The following HFM1 variants were observed in gnomAD, a reference collection of about 807,000 sequenced individuals.
The protein encoded by HFM1 is probable ATP-dependent DNA helicase HFM1.
Under a neutral mutation model 192.1 loss-of-function variants are expected in HFM1, and 169 were observed. That is an observed-to-expected ratio of 0.88 (90% CI 0.78 to 1.00). The LOEUF is 1.00. Among genes scored for constraint, HFM1 ranks in the 50% least tolerant of loss-of-function variants. The pLI is 0.00. For synonymous variants in HFM1, 525 were observed against 537.8 expected (o/e 0.98, Z 0.33); for missense variants, 1,661 against 1,668.0 (o/e 1.00, Z 0.07).
At chr1:91,262,670 G>T in intron 36 of HFM1, 78 bp from the exon 37 acceptor site, 1 of 848,336 alleles carries the variant, frequency 1.2e-6, no homozygotes, top group East Asian at 2.7e-5. Flanking sequence ...ATGATTTTTG[G>T]GGAATATGAT....
intron 13 of HFM1, among the ~76,000 whole-genome samples, chr1:91,370,630 T>G (rs1211575257): frequency 6.6e-6 from 1 of 152,146 alleles, no homozygotes; most frequent in Non-Finnish European, 1.5e-5. Flanking sequence ...CCACAGCCAA[T>G]ATCATACTGA....
intron 13 of HFM1, among the ~76,000 whole-genome samples, chr1:91,369,178 T>C (rs935772261): frequency 7.9e-5 from 12 of 152,228 alleles, no homozygotes; most frequent in African/African-American, 2.9e-4. Context: ...CTGTCAACAT[T>C]AGACAGATCA....
chr1:91,381,734 TAAA>T (rs1661569257), intron 6 of HFM1, among the ~76,000 whole-genome samples: 2 of 152,052 alleles, frequency 1.3e-5, no homozygotes, highest in South Asian at 4.2e-4. Flanking sequence ...AAGCTATAAA[TAAA>T]GAAGAAAATG....
intron 20 of HFM1, among the ~76,000 whole-genome samples, chr1:91,340,573 A>G (rs1655190419): frequency 1.3e-5 from 2 of 151,854 alleles, no homozygotes; most frequent in South Asian, 4.2e-4. Context: ...TCTACATAAC[A>G]ACACAATGAC....
chr1:91,316,387 C>T lies in HFM1; in HGVS notation c.2898+4G>A. On this transcript the variant is annotated splice_donor_region_variant and intron_variant, in intron 26 of 38. Coordinates refer to ENST00000370425, the MANE Select transcript of HFM1 (RefSeq NM_001017975.6). ...TGGAATTAGGAATAAGTGAATATAA[C>T]TACCAATTCAAGTTCCCTTGCATCT... 1 of 1,483,772 alleles carries T rather than the reference C, an allele frequency of 6.7e-7. No individual in the cohort carries two copies. The highest frequency in any genetic ancestry group is 9.3e-7 in the Non-Finnish European group (1 of 1,079,112). 91.9% of individuals were successfully genotyped at this position (1,483,772 alleles called of 1,614,324 possible).
intron 20 of HFM1, among the ~76,000 whole-genome samples, chr1:91,333,709 T>C (rs1489155979): frequency 3.3e-5 from 5 of 152,218 alleles, no homozygotes; most frequent in African/African-American, 1.2e-4. Context: ...TGCACCAAAA[T>C]ATCTCATGAA....
intron 30 of HFM1, among the ~76,000 whole-genome samples, chr1:91,279,015 CA>C (rs896735549): frequency 5.4e-5 from 8 of 147,924 alleles, no homozygotes; most frequent in Non-Finnish European, 7.5e-5. Flanking sequence ...CTCTCACTTC[CA>C]AAAAAAAAAT....
chr1:91,338,891 A>G (rs1055559340), intron 20 of HFM1: 1 of 455,698 alleles, frequency 2.2e-6, no homozygotes, highest in Non-Finnish European at 4.4e-6. Context: ...CCACTGCCCC[A>G]TTTAAGTGTG....
chr1:91,342,340 T>C (rs1406452107), intron 20 of HFM1, among the ~76,000 whole-genome samples: 3 of 152,058 alleles, frequency 2.0e-5, no homozygotes, highest in South Asian at 4.2e-4. Flanking sequence ...CTGTAGGAAT[T>C]TGAGAAACAA....
At chr1:91,328,645 C>T (rs1403680695) in intron 20 of HFM1, 1 of 1,591,578 alleles carries the variant, frequency 6.3e-7, no homozygotes, top group African/African-American at 1.3e-5. Context: ...TGAGGGCACG[C>T]CACCACAGCA....
intron 19 of HFM1, among the ~76,000 whole-genome samples, chr1:91,344,770 T>TTTGTCA (rs1557883764): frequency 6.8e-6 from 1 of 146,090 alleles, no homozygotes; most frequent in Admixed American, 6.8e-5. Flanking sequence ...TTTTTGAGAC[T>TTTGTCA]TGGTCTCACT....
intron 6 of HFM1, among the ~76,000 whole-genome samples, chr1:91,381,931 C>T (rs190121175): frequency 7.4e-4 from 113 of 152,252 alleles, no homozygotes; most frequent in African/African-American, 2.6e-3. Flanking sequence ...TCAAATTCCT[C>T]CCTTTCTCTC....
chr1:91,343,577 A>G lies in HFM1; in HGVS notation c.2255-67T>C, dbSNP rs1655698335. The G allele has an allele frequency of 7.9e-6, 5 of 633,322 alleles. No individual in the cohort carries two copies. In the South Asian group the frequency reaches 1.2e-4, roughly 15 times the overall value. 39.2% of individuals were successfully genotyped at this position (633,322 alleles called of 1,614,324 possible). ...GGGAAGTAGGGAAAAATAATTTATTATTAAATATGCTAAAGTTGTGCTATT... is the reference window on the plus strand; with the variant it reads ...GGGAAGTAGGGAAAAATAATTTATTGTTAAATATGCTAAAGTTGTGCTATT... On this transcript the variant is annotated intron_variant, in intron 19 of 38. Transcript: ENST00000370425.
chr1:91,396,545 T>C lies in HFM1; in HGVS notation c.72-140A>G, dbSNP rs948392754. ...CTGTCAGCACTTTGATTTATCCCTA[T>C]ACAGCAGTGTTCTCAACCTTTTACC... On this transcript the variant is annotated intron_variant, in intron 2 of 38. Coordinates refer to ENST00000370425, the MANE Select transcript of HFM1 (RefSeq NM_001017975.6). 1.2e-5 allele frequency: 6 copies of C among 515,388 alleles called. 1 individual carries two copies. The South Asian group carries it at 1.9e-4, about 16-fold the overall frequency. 31.9% of individuals were successfully genotyped at this position (515,388 alleles called of 1,614,324 possible).
chr1:91,305,873 T>C (rs1649529834), intron 30 of HFM1, among the ~76,000 whole-genome samples: 1 of 152,106 alleles, frequency 6.6e-6, no homozygotes, highest in Admixed American at 6.6e-5. Context: ...CAGCCCCCTT[T>C]TTGCTTTTTT....
At chr1:91,283,540 A>G (rs1437384828) in intron 30 of HFM1, among the ~76,000 whole-genome samples, 2 of 152,166 alleles carry the variant, frequency 1.3e-5, no homozygotes, top group Admixed American at 6.5e-5. Flanking sequence ...GGTGTGAGTC[A>G]CTGTGCCCAG....
chr1:91,355,625 T>A (rs1341330719), intron 13 of HFM1, among the ~76,000 whole-genome samples: 2 of 152,054 alleles, frequency 1.3e-5, no homozygotes, highest in African/African-American at 2.4e-5. Flanking sequence ...GCAAAGAAGG[T>A]CATAATTTAA....
At chr1:91,263,340 T>A (rs1385143808) in intron 36 of HFM1, among the ~76,000 whole-genome samples, 1 of 152,148 alleles carries the variant, frequency 6.6e-6, no homozygotes, top group Admixed American at 6.6e-5. Context: ...ATGGGCAGTG[T>A]GGGTGGAGAC....
At chr1:91,336,658 C>T (rs542914720) in intron 20 of HFM1, among the ~76,000 whole-genome samples, 165 of 152,246 alleles carry the variant, frequency 1.1e-3, no homozygotes, top group South Asian at 3.9e-3. Flanking sequence ...TCAACCACTG[C>T]GGAAGACAGT....
Sources: allele counts gnomAD v4.1 joint callset (sites outside exome capture counted in the v4.1 genomes callset), GRCh38; gene constraint gnomAD v4.1.1; transcripts MANE v1.5; gene names NCBI Gene and HGNC (gene_info 2026-07-23, HGNC 2026-07-21).